The following BLTP1 variants were observed in gnomAD, a reference collection of about 807,000 sequenced individuals.
BLTP1 encodes the protein fragile site-associated protein.
At chr4:122,258,328 A>G in the BLTP1 span, among the ~76,000 whole-genome samples, 1 of 152,232 alleles carries the variant, frequency 6.6e-6, no homozygotes, top group African/African-American at 2.4e-5. Flanking sequence ...GTTATGAGGA[A>G]TAGGGTAGAT....
chr4:122,250,460 T>C, the BLTP1 span: 1 of 1,613,908 alleles, frequency 6.2e-7, no homozygotes, highest in East Asian at 2.2e-5. Context: ...CAATAATTCT[T>C]CTGATTCTCC....
At chr4:122,249,350 T>C in the BLTP1 span, 19 of 1,370,486 alleles carry the variant, frequency 1.4e-5, no homozygotes, top group African/African-American at 2.7e-4. Flanking sequence ...CTCATTTGCC[T>C]GTTTTTCTAT....
chr4:122,269,717 C>T, the BLTP1 span: 2 of 982,174 alleles, frequency 2.0e-6, no homozygotes, highest in Admixed American at 6.2e-5. Context: ...GTATAACTCT[C>T]CTACTACTTT....
the BLTP1 span, among the ~76,000 whole-genome samples, chr4:122,282,268 C>G: frequency 6.6e-6 from 1 of 152,042 alleles, no homozygotes; most frequent in African/African-American, 2.4e-5. Flanking sequence ...TATACATATA[C>G]ACATTTTAAA....
chr4:122,158,381 A>T, the BLTP1 span, among the ~76,000 whole-genome samples: 1 of 152,246 alleles, frequency 6.6e-6, no homozygotes, highest in Non-Finnish European at 1.5e-5. Context: ...CATTAAAAGT[A>T]GATAACATTT....
At chr4:122,249,478 A>G in the BLTP1 span, 15 of 1,610,918 alleles carry the variant, frequency 9.3e-6, no homozygotes, top group Non-Finnish European at 1.3e-5. Context: ...CTCTCTTTTG[A>G]TAATAGACAT....
At chr4:122,217,521 A>G in the BLTP1 span, among the ~76,000 whole-genome samples, 1 of 151,728 alleles carries the variant, frequency 6.6e-6, no homozygotes, top group African/African-American at 2.4e-5. Flanking sequence ...TGTTTATGTG[A>G]TATATCACAT....
chr4:122,254,933 G>A, the BLTP1 span: 5 of 1,610,158 alleles, frequency 3.1e-6, no homozygotes, highest in Non-Finnish European at 4.2e-6. Context: ...GTTATGGGAT[G>A]CATAATGACA....
chr4:122,170,573 T>G, the BLTP1 span: 43 of 1,450,632 alleles, frequency 3.0e-5, no homozygotes, highest in Non-Finnish European at 3.8e-5. Context: ...GTTGCAATTT[T>G]ATAAATCTCT....
At chr4:122,187,139 G>A in the BLTP1 span, 5 of 984,356 alleles carry the variant, frequency 5.1e-6, no homozygotes, top group South Asian at 1.9e-4. Flanking sequence ...TAGATGTAAT[G>A]ACAGCATATC....
At chr4:122,296,918 C>G in the BLTP1 span, among the ~76,000 whole-genome samples, 1 of 152,124 alleles carries the variant, frequency 6.6e-6, no homozygotes, top group African/African-American at 2.4e-5. Context: ...CAAAAATTAA[C>G]TCAAGATGGA....
the BLTP1 span, chr4:122,344,469 G>A: frequency 1.2e-6 from 2 of 1,613,866 alleles, no homozygotes; most frequent in African/African-American, 1.3e-5. Flanking sequence ...AGTTTGTCAC[G>A]GATCAGGCGT....
At chr4:122,226,365 C>T in the BLTP1 span, 1 of 1,004,030 alleles carries the variant, frequency 1.0e-6, no homozygotes, top group Non-Finnish European at 1.2e-6. Context: ...ATTTTAGGTG[C>T]TTTTCTATGT....
chr4:122,265,715 T>G, the BLTP1 span, among the ~76,000 whole-genome samples: 5 of 152,182 alleles, frequency 3.3e-5, no homozygotes, highest in Non-Finnish European at 2.9e-5. Context: ...GTTTGTTTGT[T>G]TGAGACAGAG....
chr4:122,252,414 A>G, the BLTP1 span, among the ~76,000 whole-genome samples: 1 of 152,074 alleles, frequency 6.6e-6, no homozygotes, highest in Admixed American at 6.5e-5. Flanking sequence ...GTCAGCAGGG[A>G]GCCCACTGTC....
the BLTP1 span, chr4:122,194,479 A>G: frequency 7.5e-6 from 6 of 798,672 alleles, no homozygotes; most frequent in South Asian, 5.7e-5. Context: ...AAGTCATGCT[A>G]TATTTGACAT....
chr4:122,224,873 A>G, the BLTP1 span: 2 of 1,480,476 alleles, frequency 1.4e-6, no homozygotes, highest in South Asian at 1.3e-5. Flanking sequence ...TGAGCCACAT[A>G]TAATTTGTTG....
the BLTP1 span, chr4:122,185,134 GA>G: frequency 1.0e-6 from 1 of 982,718 alleles, no homozygotes; most frequent in South Asian, 4.7e-5. Flanking sequence ...CTGTAGGAAT[GA>G]AGTTATAAAT....
chr4:122,200,729 C>T, the BLTP1 span: 1 of 976,024 alleles, frequency 1.0e-6, no homozygotes, highest in Non-Finnish European at 1.2e-6. Flanking sequence ...CGGTTGTTAC[C>T]CCATTGGTTT....
Sources: gnomAD v4.1 joint callset for allele counts (sites outside exome capture counted in the v4.1 genomes callset) on GRCh38, gnomAD v4.1.1 for gene constraint, MANE v1.5 for transcripts, NCBI Gene and HGNC (gene_info 2026-07-23, HGNC 2026-07-21) for gene names.